The following THSD7A variants were observed in gnomAD, a reference collection of about 807,000 sequenced individuals.
THSD7A encodes the protein thrombospondin type 1 domain containing 7A.
In THSD7A, 96 loss-of-function variants were observed where a neutral mutation model predicts 231.3. That is an observed-to-expected ratio of 0.41 (90% confidence interval 0.35 to 0.49). The LOEUF (loss-of-function observed/expected upper bound fraction) is 0.49. Ranked by LOEUF, THSD7A falls within the 20% of genes least tolerant of loss-of-function variation. The pLI is 0.05. For missense variants in THSD7A, 2,290 were observed against 2,070.2 expected (o/e 1.11, Z -2.06); for synonymous variants, 940 against 743.3 (o/e 1.26, Z -4.30).
intron 1 of THSD7A, among the ~76,000 whole-genome samples, chr7:11,791,735 A>T (rs1417590329): frequency 6.6e-6 from 1 of 151,968 alleles, no homozygotes; most frequent in African/African-American, 2.4e-5. Flanking sequence ...TCATAGAAGA[A>T]AATAAAAAAT....
intron 1 of THSD7A, among the ~76,000 whole-genome samples, chr7:11,659,397 T>C (rs1782837437): frequency 6.6e-6 from 1 of 151,578 alleles, no homozygotes; most frequent in Non-Finnish European, 1.5e-5. Context: ...AAGGAAATCT[T>C]GTTAGCATGA....
At chr7:11,433,762 T>C (rs116162314) in intron 13 of THSD7A, among the ~76,000 whole-genome samples, 7,957 of 152,018 alleles carry the variant, frequency 0.052, 200 homozygotes, top group Admixed American at 0.066. Flanking sequence ...AAAATTGTTT[T>C]TGATTGAAAT....
At chr7:11,562,386 C>G (rs1790112143) in intron 4 of THSD7A, among the ~76,000 whole-genome samples, 1 of 152,108 alleles carries the variant, frequency 6.6e-6, no homozygotes, top group African/African-American at 2.4e-5. Context: ...TATACTGGTG[C>G]TCAAAGGTTG....
At chr7:11,818,639 G>A (rs946791851) in intron 1 of THSD7A, among the ~76,000 whole-genome samples, 1 of 152,174 alleles carries the variant, frequency 6.6e-6, no homozygotes, top group Non-Finnish European at 1.5e-5. Flanking sequence ...TGCAAAGCAA[G>A]GAAAAGTAGA....
intron 11 of THSD7A, among the ~76,000 whole-genome samples, chr7:11,451,782 TGAA>T (rs1301447634): frequency 6.6e-6 from 1 of 152,024 alleles, no homozygotes; most frequent in African/African-American, 2.4e-5. Flanking sequence ...GATGCAGCTC[TGAA>T]GCAGATCAAA....
chr7:11,535,386 C>T (rs1278425627), intron 6 of THSD7A, among the ~76,000 whole-genome samples: 1 of 151,768 alleles, frequency 6.6e-6, no homozygotes, highest in African/African-American at 2.4e-5. Flanking sequence ...TTTTATAGTC[C>T]AAAATAAAAT....
At position 11,403,632 on chromosome 7, in the gene THSD7A, C is replaced by T. The variant is rs529138177; in HGVS notation, c.4238-1664G>A. Among the ~76,000 whole-genome samples, 191 of 152,280 alleles carry T rather than the reference C, an allele frequency of 1.3e-3. 1 individual carries two copies. The highest frequency in any genetic ancestry group is 0.01 in the Middle Eastern group (3 of 294). Reference sequence around the variant, plus strand: ...CATGGAAAGAAAACATACCTTTTCACCAGTAGGCTTTATCTTTGTGGCAAT... The same window carrying T: ...CATGGAAAGAAAACATACCTTTTCATCAGTAGGCTTTATCTTTGTGGCAAT... On this transcript the variant is annotated intron_variant, in intron 22 of 27. Transcript: ENST00000423059.
chr7:11,389,178 ATGTTGATCAGTC>A (rs1562569376), intron 23 of THSD7A, among the ~76,000 whole-genome samples: 1 of 152,044 alleles, frequency 6.6e-6, no homozygotes. Flanking sequence ...ATTTTCTGTC[ATGTTGATCAGTC>A]TATTATTGGC....
At chr7:11,811,136 T>C (rs138467954) in intron 1 of THSD7A, among the ~76,000 whole-genome samples, 1 of 152,278 alleles carries the variant, frequency 6.6e-6, no homozygotes, top group Non-Finnish European at 1.5e-5. Flanking sequence ...TAAAACTTGG[T>C]GATTTGTGTG....
rs1233713451 is a variant in THSD7A, at chr7:11,372,277, A to T, written c.*3517T>A. On this transcript the variant is annotated 3_prime_UTR_variant, in exon 28 of 28. Transcript: ENST00000423059. ...GTTTCAGTGCTATCTTCACTCATTA[A>T]GCATTTTTTCCTTCTTTTGGATGTC... 1 of 151,992 alleles carries T rather than the reference A, an allele frequency of 6.6e-6. No homozygotes were observed. The highest frequency in any genetic ancestry group is 2.4e-5 in the African/African-American group (1 of 41,364). 9.4% of individuals were successfully genotyped at this position (151,992 alleles called of 1,614,324 possible).
rs568861065 is a variant in THSD7A, at chr7:11,381,186, T to G, written c.4507+1335A>C. On this transcript the variant is annotated intron_variant, in intron 24 of 27. Coordinates refer to ENST00000423059, the MANE Select transcript of THSD7A (RefSeq NM_015204.3). ...CTATCCCTCTCAGGACTCTTCTCAC[T>G]CCATACCTCTTAGAGTGGGGTAGAT... Among the ~76,000 whole-genome samples, 738 of 152,246 alleles carry G rather than the reference T, an allele frequency of 4.8e-3. 8 individuals are homozygous for G. Among genetic ancestry groups the G allele is most frequent in the African/African-American group, 0.017 (694 of 41,566 alleles).
intron 1 of THSD7A, among the ~76,000 whole-genome samples, chr7:11,767,822 G>T (rs753393968): frequency 1.3e-5 from 2 of 152,102 alleles, no homozygotes; most frequent in African/African-American, 4.8e-5. Context: ...ATGGGTTGAG[G>T]ACAACAGAAG....
rs1459949223 is a variant in THSD7A at position 11,446,054 on chromosome 7, G to C, written c.3064+7C>G. On this transcript the variant is annotated splice_region_variant and intron_variant, in intron 13 of 27. Transcript: ENST00000423059. This position sits in a 1 kb window ranked among gnomAD's most constrained non-coding sequence, Gnocchi z 4.0. ...TAGCAAATATGTAACAATGAAGATT[G>C]AATTACCATGGCTGTTACATCTAGA... is the stretch of plus-strand genomic sequence containing the variant. 6.2e-7 allele frequency: 1 copy of C among 1,612,922 alleles called. No homozygotes were observed. The highest frequency in any genetic ancestry group is 1.1e-5 in the South Asian group (1 of 91,054).
rs1781434267 is a variant in THSD7A at position 11,723,503 on chromosome 7, C to T, written c.191-86542G>A. ...AAAAAATAAAAAAATAAACTGGATG[C>T]ATAAATAAATTAAATAGTATGTTAA... On this transcript the variant is annotated intron_variant, in intron 1 of 27. Coordinates refer to ENST00000423059, the MANE Select transcript of THSD7A (RefSeq NM_015204.3). 2.0e-5 allele frequency among the ~76,000 whole-genome samples: 3 copies of T among 151,536 alleles called. No individual in the cohort carries two copies. The Admixed American group carries it at 2.0e-4, about 10-fold the overall frequency.
In THSD7A at chr7:11,636,254, T is replaced by A. The variant is rs372776711; in HGVS notation, c.898A>T (p.Ile300Phe). The A allele has an allele frequency of 1.9e-6, 3 of 1,614,044 alleles. No individual in the cohort carries two copies. The African/African-American group carries it at 4.0e-5, about 22-fold the overall frequency. The change falls in exon 2 of 28, where the codon ATT becomes TTT. Residue 300 changes from isoleucine (I) to phenylalanine (F), a missense_variant. Physicochemically the swap from Ile to Phe is conservative, Grantham distance 21. Coordinates refer to ENST00000423059, the MANE Select transcript of THSD7A (RefSeq NM_015204.3). The surrounding 1 kb of genome is among the most constrained non-coding windows in gnomAD (Gnocchi z 10.0). ...GVKDPEARELIKKKRNRNRQN... is the reference protein window; with the variant it reads ...GVKDPEARELFKKKRNRNRQN... The stretch of plus-strand genomic sequence containing the variant: ...CTGTTTCTGTTTCTCTTTTTCTTAA[T>A]AAGCTCGCGGGCTTCTGGATCCTTT...
At position 11,374,601 on chromosome 7, in the gene THSD7A, TAA is replaced by T. The variant is rs1194638436; in HGVS notation, c.*1191_*1192del. ...TTTATTTTCTCCATCTGCTCAAAAT[TAA>T]AAAGACATCCAGTTCCTTTTTCTTT... On this transcript the variant is annotated 3_prime_UTR_variant, in exon 28 of 28. Transcript: ENST00000423059. 1.4e-5 allele frequency: 2 copies of T among 140,652 alleles called. No homozygotes were observed. Among genetic ancestry groups the T allele is most frequent in the South Asian group, 2.3e-4 (1 of 4,418 alleles). The allele number at this position is 140,652 out of a possible 1,614,324, so 8.7% of individuals were successfully genotyped here. A position where few individuals can be genotyped will look rare whatever the true frequency, so the allele number is the denominator to read the frequency against.
intron 6 of THSD7A, 129 bp downstream of exon 6, chr7:11,541,290 A>T: frequency 1.2e-6 from 1 of 862,336 alleles, no homozygotes; most frequent in Non-Finnish European, 1.9e-6. Flanking sequence ...AGGGAGAGAG[A>T]AGCAGCTATT....
At chr7:11,757,356 C>G (rs906282548) in intron 1 of THSD7A, among the ~76,000 whole-genome samples, 3 of 151,920 alleles carry the variant, frequency 2.0e-5, no homozygotes, top group African/African-American at 7.3e-5. Flanking sequence ...TTCCAAAACA[C>G]CAATAACAAC....
chr7:11,647,383 C>T (rs984273838), intron 1 of THSD7A, among the ~76,000 whole-genome samples: 1 of 151,986 alleles, frequency 6.6e-6, no homozygotes, highest in Admixed American at 6.6e-5. Flanking sequence ...TGTCTTGGCT[C>T]TTATGGCACA....
Sources: gnomAD v4.1 joint callset for allele counts (sites outside exome capture counted in the v4.1 genomes callset) on GRCh38, gnomAD v4.1.1 for gene constraint, Gnocchi (gnomAD v3.1) non-coding constraint, MANE v1.5 for transcripts, NCBI Gene and HGNC (gene_info 2026-07-23, HGNC 2026-07-21) for gene names.